FAM227B: variants seen among roughly 807,000 people sequenced by gnomAD.
FAM227B encodes family with sequence similarity 227 member B.
In FAM227B, 88 loss-of-function variants were observed where a neutral mutation model predicts 73.8. The ratio of observed to expected loss-of-function variants is 1.19; its 90% confidence interval spans 1.00 to 1.42. FAM227B has a LOEUF of 1.42. Ranked by LOEUF, FAM227B falls within the 40% of genes most tolerant of loss-of-function variation. FAM227B has a pLI of 0.00. For missense variants in FAM227B, 632 were observed against 590.9 expected, an observed-to-expected ratio of 1.07 and a Z score of -0.72; for synonymous variants, 210 against 190.5, an observed-to-expected ratio of 1.10 and a Z score of -0.84.
At chr15:49,465,999 A>T (rs2054236097) in intron 11 of FAM227B, among the ~76,000 whole-genome samples, 2 of 152,326 alleles carry the variant, frequency 1.3e-5, no homozygotes, top group Admixed American at 1.3e-4. Flanking sequence ...TCTACAACCT[A>T]GATTTAAAAA....
chr15:49,564,257 G>C (rs2074469835), intron 9 of FAM227B, among the ~76,000 whole-genome samples: 1 of 152,136 alleles, frequency 6.6e-6, no homozygotes, highest in East Asian at 1.9e-4. Context: ...CCAATCATTA[G>C]AGAAATGCAA....
At chr15:49,353,599 T>G (rs1342995548) in intron 13 of FAM227B, 1 of 149,168 alleles carries the variant, frequency 6.7e-6, no homozygotes. Context: ...TTTTTGAAGT[T>G]GAAGGAAAAT....
intron 11 of FAM227B, among the ~76,000 whole-genome samples, chr15:49,476,217 G>C (rs55680283): frequency 2.0e-5 from 2 of 100,546 alleles, no homozygotes; most frequent in Non-Finnish European, 4.4e-5. Context: ...TTGCTGTTTT[G>C]TTTTTTTGTT....
chr15:49,424,289 T>C (rs374130440), intron 11 of FAM227B: 10 of 1,610,556 alleles, frequency 6.2e-6, no homozygotes, highest in South Asian at 5.5e-5. Context: ...CCCGGAGCAC[T>C]ACACTATAAT....
At chr15:49,337,792 A>T (rs1329793734) in intron 13 of FAM227B, among the ~76,000 whole-genome samples, 1 of 150,792 alleles carries the variant, frequency 6.6e-6, no homozygotes, top group African/African-American at 2.4e-5. Context: ...TTCTTGTGTT[A>T]GTTTGCTGAG....
At chr15:49,329,109 G>A in intron 15 of FAM227B, 2 of 992,984 alleles carry the variant, frequency 2.0e-6, no homozygotes, top group Non-Finnish European at 2.4e-6. Context: ...TTTTTTGCTT[G>A]TCTAGCAAAG....
Position 49,335,447 on chromosome 15 carries a change from A to G in FAM227B, c.1321T>C (p.Phe441Leu), listed in dbSNP as rs1221099481. The change falls in exon 14 of 16, where the codon TTT becomes CTT. Residue 441 changes from phenylalanine (F) to leucine (L), a missense_variant. Coordinates refer to ENST00000299338, the MANE Select transcript of FAM227B (RefSeq NM_152647.3). ...RDVIKEAKRQ[F>L]ARNQKDFRIL... ...CTAAAATCCTTTTGGTTCCTTGCAA[A>G]TTGTCTTTTTGCCTCCTTTATAACA... 3 of 1,613,236 alleles carry G rather than the reference A, an allele frequency of 1.9e-6. No homozygotes were observed. Among genetic ancestry groups the G allele is most frequent in the Non-Finnish European group, 2.5e-6 (3 of 1,179,376 alleles).
At chr15:49,525,170 T>C (rs2060069851) in intron 10 of FAM227B, among the ~76,000 whole-genome samples, 1 of 151,956 alleles carries the variant, frequency 6.6e-6, no homozygotes, top group Non-Finnish European at 1.5e-5. Context: ...CCAAATCTCA[T>C]CTTGAATTCC....
Position 49,367,740 on chromosome 15 carries a change from A to G in FAM227B, c.1111-132T>C, listed in dbSNP as rs1013214189. 1.3e-5 allele frequency: 11 copies of G among 848,806 alleles called. No individual in the cohort carries two copies. In the Admixed American group the frequency reaches 4.0e-4, roughly 31 times the overall value. 52.6% of individuals were successfully genotyped at this position (848,806 alleles called of 1,614,324 possible). Reference sequence around the variant, plus strand: ...TAAAATAAAGGAAATTCTACAAAGCATCTTCTTAATTAGAGGAATTTACCA... The same window carrying G: ...TAAAATAAAGGAAATTCTACAAAGCGTCTTCTTAATTAGAGGAATTTACCA... On this transcript the variant is annotated intron_variant, in intron 12 of 15. Transcript: ENST00000299338.
chr15:49,523,144 T>C (rs576948825), intron 10 of FAM227B, among the ~76,000 whole-genome samples: 76 of 152,310 alleles, frequency 5.0e-4, no homozygotes, highest in African/African-American at 1.8e-3. Context: ...GCAGAAACCT[T>C]GAAGCTAGAA....
intron 8 of FAM227B, among the ~76,000 whole-genome samples, chr15:49,572,749 C>T (rs546371460): frequency 6.6e-6 from 1 of 152,022 alleles, no homozygotes; most frequent in African/African-American, 2.4e-5. Context: ...TCTTCTTTTG[C>T]TAAGCCTTTA....
chr15:49,587,955 A>T (rs939687564), intron 5 of FAM227B, 61 bp downstream of exon 5: 2 of 1,312,580 alleles, frequency 1.5e-6, no homozygotes, highest in Admixed American at 3.0e-5. Flanking sequence ...GTGGAAATGT[A>T]GTGTTTATAT....
chr15:49,525,254 T>C (rs955827270), intron 10 of FAM227B, among the ~76,000 whole-genome samples: 1 of 152,032 alleles, frequency 6.6e-6, no homozygotes, highest in Non-Finnish European at 1.5e-5. Context: ...GTTCTTGGGA[T>C]AGTGAATAAG....
At chr15:49,607,100 T>C (rs1261012123) in intron 3 of FAM227B, among the ~76,000 whole-genome samples, 2 of 152,326 alleles carry the variant, frequency 1.3e-5, no homozygotes, top group East Asian at 3.9e-4. Context: ...CAAACCCACC[T>C]TGGTCTGTTC....
intron 11 of FAM227B, among the ~76,000 whole-genome samples, chr15:49,466,806 T>C (rs2054306039): frequency 6.6e-6 from 1 of 152,188 alleles, no homozygotes; most frequent in South Asian, 2.1e-4. Context: ...AATTTTTTAA[T>C]TATCTTTTTA....
chr15:49,476,225 G>C (rs56159203), intron 11 of FAM227B, among the ~76,000 whole-genome samples: 2 of 91,694 alleles, frequency 2.2e-5, no homozygotes, highest in Non-Finnish European at 4.6e-5. Flanking sequence ...TTGTTTTTTT[G>C]TTTTTGGTTT....
At chr15:49,577,457 A>C (rs962040297) in intron 6 of FAM227B, among the ~76,000 whole-genome samples, 172 bp downstream of exon 6, 1 of 152,230 alleles carries the variant, frequency 6.6e-6, no homozygotes, top group Non-Finnish European at 1.5e-5. Flanking sequence ...GCTAGACTAC[A>C]CATAAGTAAA....
chr15:49,474,056 A>G (rs2055024981), intron 11 of FAM227B, among the ~76,000 whole-genome samples: 2 of 152,186 alleles, frequency 1.3e-5, no homozygotes, highest in Admixed American at 6.5e-5. Context: ...TTGATAGGCG[A>G]ACTTTTTATT....
At chr15:49,401,910 G>A (rs1452953342) in intron 11 of FAM227B, among the ~76,000 whole-genome samples, 1 of 145,684 alleles carries the variant, frequency 6.9e-6, no homozygotes, top group Non-Finnish European at 1.5e-5. Context: ...TAGATGACGA[G>A]TTAGTGGGTG....
Sources: allele counts gnomAD v4.1 joint callset (sites outside exome capture counted in the v4.1 genomes callset), GRCh38; gene constraint gnomAD v4.1.1; transcripts MANE v1.5; gene names NCBI Gene and HGNC (gene_info 2026-07-23, HGNC 2026-07-21).